The following MCF2L variants were observed in gnomAD, a reference collection of about 807,000 sequenced individuals.
The protein encoded by MCF2L is guanine nucleotide exchange factor DBS.
A neutral mutation model predicts 153.4 loss-of-function variants in MCF2L; 97 were observed. The observed-to-expected ratio is 0.63, with a 90% CI of 0.54 to 0.75. The LOEUF is 0.75. MCF2L is among the 30% of genes least tolerant of loss of function. The pLI is 0.00. For synonymous variants in MCF2L, 659 were observed against 632.2 expected (o/e 1.04, Z -0.64); for missense variants, 1,347 against 1,495.2 (o/e 0.90, Z 1.64).
intron 1 of MCF2L, among the ~76,000 whole-genome samples, chr13:112,975,070 C>T (rs959712006): frequency 6.6e-6 from 1 of 152,242 alleles, no homozygotes; most frequent in African/African-American, 2.4e-5. Context: ...AGTATTTTCA[C>T]ACTTCTACCC....
chr13:112,932,466 A>G lies in MCF2L; in HGVS notation c.169+30095A>G, dbSNP rs1463870970. On this transcript the variant is annotated intron_variant, in intron 2 of 29. Coordinates refer to the MCF2L transcript ENST00000375608. The surrounding 1 kb of genome is among the most constrained non-coding windows in gnomAD (Gnocchi z 4.6). ...GAACAGAAGAATATATTAGGCAAAAACTGTGGAAACCTGAATAAACTGTGC... is the reference window on the plus strand; with the variant it reads ...GAACAGAAGAATATATTAGGCAAAAGCTGTGGAAACCTGAATAAACTGTGC... Among the ~76,000 whole-genome samples, 1 of 152,200 alleles carries G rather than the reference A, an allele frequency of 6.6e-6. No individual in the cohort carries two copies. The highest frequency in any genetic ancestry group is 1.5e-5 in the Non-Finnish European group (1 of 68,038).
chr13:112,900,009 C>T (rs943959209), intron 1 of MCF2L, among the ~76,000 whole-genome samples: 5 of 152,158 alleles, frequency 3.3e-5, no homozygotes, highest in Non-Finnish European at 5.9e-5. Flanking sequence ...TCTACAGAGT[C>T]CAGCTTGGGG....
intron 1 of MCF2L, among the ~76,000 whole-genome samples, chr13:112,991,328 T>TG (rs1243466541): frequency 6.8e-6 from 1 of 147,662 alleles, no homozygotes; most frequent in African/African-American, 2.5e-5. Context: ...TGCTGTGTTT[T>TG]GGGGGGCATC....
intron 1 of MCF2L, chr13:113,001,816 C>T (rs1418335214): frequency 1.6e-5 from 23 of 1,450,238 alleles, no homozygotes; most frequent in Admixed American, 2.4e-5. Context: ...CCCCGCTTCG[C>T]GGCCAAGATG....
rs1354253398 is a variant in MCF2L, at chr13:113,078,692, C to T, written c.1761C>T (p.Gly587=). The T allele has an allele frequency of 6.2e-6, 10 of 1,611,558 alleles. No individual in the cohort carries two copies. Among genetic ancestry groups the T allele is most frequent in the Non-Finnish European group, 8.5e-6 (10 of 1,179,752 alleles). Residue 587 remains glycine (G), a synonymous_variant, in exon 15 of 30, where the codon GGC becomes GGT. Coordinates refer to ENST00000535094, the MANE Select transcript of MCF2L (RefSeq NM_001112732.3). The part of the protein sequence containing the change: ...AKSEMSESRQ[G]RGSAGEEEES... ...GTGAGATGAGTGAGAGCCGGCAGGG[C>T]CGCGGCTCAGCGGGGGAGGAGGAGG...
intron 8 of MCF2L, among the ~76,000 whole-genome samples, chr13:113,067,115 T>C (rs1012313042): frequency 3.3e-5 from 5 of 152,248 alleles, no homozygotes; most frequent in African/African-American, 1.2e-4. Flanking sequence ...AAGACTCAGT[T>C]TCCTCATCTG....
At chr13:112,949,696 A>T (rs1024967451) in intron 2 of MCF2L, among the ~76,000 whole-genome samples, 6 of 152,052 alleles carry the variant, frequency 3.9e-5, no homozygotes, top group Admixed American at 3.9e-4. Context: ...TGATTAAAAA[A>T]AAAAACAACA....
At chr13:112,940,409 G>T (rs1197961213) in intron 2 of MCF2L, among the ~76,000 whole-genome samples, 1 of 152,194 alleles carries the variant, frequency 6.6e-6, no homozygotes, top group Non-Finnish European at 1.5e-5. Flanking sequence ...TTCCGGGGGC[G>T]CCAGGCAAGC....
chr13:112,923,730 T>G (rs1255215010), intron 2 of MCF2L, among the ~76,000 whole-genome samples: 1 of 152,184 alleles, frequency 6.6e-6, no homozygotes, highest in Non-Finnish European at 1.5e-5. Context: ...CACTGCTGTT[T>G]TGTATGTAGA....
At chr13:113,030,833 C>T (rs1345290664) in intron 3 of MCF2L, among the ~76,000 whole-genome samples, 1 of 152,094 alleles carries the variant, frequency 6.6e-6, no homozygotes, top group East Asian at 1.9e-4. Flanking sequence ...AACCACATGG[C>T]CGGGGAGGAG....
At chr13:113,088,907 C>A (rs1049208031) in intron 25 of MCF2L, among the ~76,000 whole-genome samples, 2 of 152,248 alleles carry the variant, frequency 1.3e-5, no homozygotes, top group African/African-American at 4.8e-5. Context: ...AGCCACGCCC[C>A]AGCACTCCTC....
In MCF2L at chr13:112,933,004, C is replaced by T. The variant is rs142114350; in HGVS notation, c.169+30633C>T. On this transcript the variant is annotated intron_variant, in intron 2 of 29. Transcript: ENST00000375608. Reference sequence around the variant, plus strand: ...CAAGATTGTGCCACTGCCCCCCAACCTGGGTGACAGAGCAAGGCTCCATCT... The same window carrying T: ...CAAGATTGTGCCACTGCCCCCCAACTTGGGTGACAGAGCAAGGCTCCATCT... Among the ~76,000 whole-genome samples the T allele has an allele frequency of 6.6e-3, 999 of 152,196 alleles. 12 individuals carry two copies. Among genetic ancestry groups the T allele is most frequent in the African/African-American group, 0.023 (973 of 41,516 alleles).
At chr13:112,911,428 C>T (rs1402467049) in intron 2 of MCF2L, among the ~76,000 whole-genome samples, 2 of 152,246 alleles carry the variant, frequency 1.3e-5, no homozygotes, top group Non-Finnish European at 2.9e-5. Context: ...GCCGCTAGTC[C>T]TGTGCGCCCA....
chr13:113,087,811 A>G lies in MCF2L; in HGVS notation c.2688+12A>G. ...TCTACATCGTCCAGGTGGGCCACCC[A>G]CCCTACCCCTGGCCTCTTACACATT... On this transcript the variant is annotated intron_variant, in intron 23 of 29. Coordinates refer to ENST00000535094, the MANE Select transcript of MCF2L (RefSeq NM_001112732.3). 1.2e-6 allele frequency: 2 copies of G among 1,610,424 alleles called. No homozygotes were observed. The highest frequency in any genetic ancestry group is 1.7e-6 in the Non-Finnish European group (2 of 1,176,848).
intron 2 of MCF2L, 21 bp from the exon 3 acceptor site, chr13:113,024,623 C>T: frequency 6.4e-7 from 1 of 1,561,578 alleles, no homozygotes; most frequent in Non-Finnish European, 8.8e-7. Context: ...GGCTAAGGGT[C>T]TGCCTCTGGT....
At chr13:113,083,238 G>A (rs2034319561) in intron 17 of MCF2L, among the ~76,000 whole-genome samples, 5 of 152,288 alleles carry the variant, frequency 3.3e-5, no homozygotes, top group South Asian at 2.1e-4. Context: ...GCTCCCATGC[G>A]GCCATGTGCT....
intron 26 of MCF2L, chr13:113,091,270 C>T (rs1052671470): frequency 3.4e-5 from 42 of 1,245,258 alleles, no homozygotes; most frequent in Admixed American, 2.4e-4. Context: ...GTCAGGTGGC[C>T]GTCAAGGCCA....
chr13:113,089,172 C>T (rs1445059351), intron 25 of MCF2L, among the ~76,000 whole-genome samples: 9 of 111,040 alleles, frequency 8.1e-5, no homozygotes, highest in Non-Finnish European at 1.6e-4. Context: ...CTCCCCCGCC[C>T]CCCCCCCCGC....
chr13:112,969,592 G>C lies in MCF2L; in HGVS notation c.79+134G>C, dbSNP rs2081972320. On this transcript the variant is annotated intron_variant, in intron 1 of 29. Transcript: ENST00000535094. The surrounding 1 kb of genome is among the most constrained non-coding windows in gnomAD (Gnocchi z 4.8). The stretch of plus-strand genomic sequence containing the variant: ...AGCCGTGGTAGCTGTGACATGGGGG[G>C]CACTGGTTGGCAGCTGGTGTGTTTT... 4 of 1,447,182 alleles carry C rather than the reference G, an allele frequency of 2.8e-6. No individual in the cohort carries two copies. The highest frequency in any genetic ancestry group is 2.6e-5 in the East Asian group (1 of 38,674). The allele number at this position is 1,447,182 out of a possible 1,614,324, so 89.6% of individuals were successfully genotyped here.
Sources: gnomAD v4.1 joint callset for allele counts (sites outside exome capture counted in the v4.1 genomes callset) on GRCh38, gnomAD v4.1.1 for gene constraint, Gnocchi (gnomAD v3.1) non-coding constraint, MANE v1.5 for transcripts, NCBI Gene and HGNC (gene_info 2026-07-23, HGNC 2026-07-21) for gene names.